PLCXD3: variants seen among roughly 807,000 people sequenced by gnomAD.
PLCXD3 encodes phosphatidylinositol specific phospholipase C X domain containing 3, also known as PI-PLC X domain-containing protein 3.
PLCXD3 carries 19 observed loss-of-function variants against 25.5 expected under a neutral mutation model. The observed-to-expected ratio is 0.75, with a 90% CI of 0.52 to 1.09. The LOEUF is 1.09. PLCXD3 is among the 50% of genes least tolerant of loss of function. PLCXD3 has a pLI of 0.00. For synonymous variants in PLCXD3, 174 were observed against 137.6 expected (o/e 1.26, Z -1.85); for missense variants, 411 against 388.1 (o/e 1.06, Z -0.50).
chr5:41,485,633 G>A (rs1748501717), intron 1 of PLCXD3, among the ~76,000 whole-genome samples: 2 of 152,060 alleles, frequency 1.3e-5, no homozygotes, highest in South Asian at 2.1e-4. Context: ...AAATTTGAAC[G>A]CCAGAACAAA....
Position 41,423,160 on chromosome 5 carries a change from C to T in PLCXD3, c.104-40626G>A, listed in dbSNP as rs191401158. Among the ~76,000 whole-genome samples the T allele has an allele frequency of 2.0e-3, 310 of 151,994 alleles. 1 individual carries two copies. Among genetic ancestry groups the T allele is most frequent in the Non-Finnish European group, 2.0e-3 (135 of 67,962 alleles). ...CTATTCTTGCATTCTTCGCAGAAGC[C>T]CTATCTGACTTTGATTTATTATTTT... On this transcript the variant is annotated intron_variant, in intron 1 of 2. Coordinates refer to ENST00000377801, the MANE Select transcript of PLCXD3 (RefSeq NM_001005473.3).
chr5:41,331,264 C>G (rs1362954529), intron 2 of PLCXD3, among the ~76,000 whole-genome samples: 2 of 152,094 alleles, frequency 1.3e-5, no homozygotes, highest in Non-Finnish European at 2.9e-5. Flanking sequence ...GATACAAAAT[C>G]AATGTACAAA....
intron 1 of PLCXD3, among the ~76,000 whole-genome samples, chr5:41,411,837 T>C (rs1387235304): frequency 6.7e-6 from 1 of 148,374 alleles, no homozygotes; most frequent in Non-Finnish European, 1.5e-5. Context: ...GATATCCATA[T>C]ATATATCTCC....
At chr5:41,355,406 A>G (rs1180795420) in intron 2 of PLCXD3, among the ~76,000 whole-genome samples, 1 of 152,244 alleles carries the variant, frequency 6.6e-6, no homozygotes, top group Admixed American at 6.5e-5. Context: ...TTGCATAATT[A>G]TCTTTCTAGG....
In PLCXD3 at chr5:41,382,259, C is replaced by G; in HGVS notation, c.379G>C (p.Glu127Gln). 1 of 1,613,726 alleles carries G rather than the reference C, an allele frequency of 6.2e-7. No individual in the cohort carries two copies. The highest frequency in any genetic ancestry group is 1.3e-5 in the African/African-American group (1 of 75,002). ...FSAKVNEGLEEINAFLTDHHK... is the reference protein window; with the variant it reads ...FSAKVNEGLEQINAFLTDHHK... Reference sequence around the variant, plus strand: ...TGATCTGTGAGGAATGCATTGATCTCCTCAAGGCCTTCATTGACTTTGGCA... The same window carrying G: ...TGATCTGTGAGGAATGCATTGATCTGCTCAAGGCCTTCATTGACTTTGGCA... The change falls in exon 2 of 3, where the codon GAG (glutamate) becomes CAG (glutamine). Residue 127 changes from glutamate (E) to glutamine (Q), a missense_variant. Transcript: ENST00000377801.
At chr5:41,431,695 G>C (rs1430386378) in intron 1 of PLCXD3, among the ~76,000 whole-genome samples, 1 of 152,182 alleles carries the variant, frequency 6.6e-6, no homozygotes, top group Non-Finnish European at 1.5e-5. Context: ...TAAATGTGGA[G>C]TATTTTACAT....
chr5:41,454,902 G>A (rs990495760), intron 1 of PLCXD3, among the ~76,000 whole-genome samples: 3 of 151,984 alleles, frequency 2.0e-5, no homozygotes, highest in African/African-American at 4.8e-5. Context: ...CATGGCTGGA[G>A]TGGCCTTAGG....
chr5:41,320,558 G>A (rs1164647809), intron 2 of PLCXD3, among the ~76,000 whole-genome samples: 2 of 152,250 alleles, frequency 1.3e-5, no homozygotes, highest in Admixed American at 6.5e-5. Context: ...GTGCAGTGGC[G>A]CGATCTTGGC....
chr5:41,467,875 T>C (rs1748058312), intron 1 of PLCXD3, among the ~76,000 whole-genome samples: 1 of 152,162 alleles, frequency 6.6e-6, no homozygotes, highest in South Asian at 2.1e-4. Flanking sequence ...TGTAAATGCA[T>C]GGGTTAGGAC....
intron 2 of PLCXD3, among the ~76,000 whole-genome samples, chr5:41,338,694 C>T (rs547344099): frequency 6.6e-6 from 1 of 152,226 alleles, no homozygotes; most frequent in South Asian, 2.1e-4. Context: ...GTCTATTCCT[C>T]TTCAACGTGA....
intron 1 of PLCXD3, among the ~76,000 whole-genome samples, chr5:41,419,425 T>C (rs1383757848): frequency 6.6e-6 from 1 of 152,182 alleles, no homozygotes; most frequent in Non-Finnish European, 1.5e-5. Flanking sequence ...TAGGATATGA[T>C]AGTGTTTTTC....
At position 41,324,605 on chromosome 5, in the gene PLCXD3, T is replaced by C. The variant is rs143293700; in HGVS notation, c.813-10835A>G. On this transcript the variant is annotated intron_variant, in intron 2 of 2. Coordinates refer to ENST00000377801, the MANE Select transcript of PLCXD3 (RefSeq NM_001005473.3). ...GGACAATCTGGATCCCATGTCTGAA[T>C]ATACAGACATGAGTGTATTCAAGTT... 1.8e-3 allele frequency among the ~76,000 whole-genome samples: 269 copies of C among 152,320 alleles called. 12 individuals carry two copies. In the East Asian group the frequency reaches 0.045, roughly 25 times the overall value.
chr5:41,369,896 A>G (rs1325425298), intron 2 of PLCXD3, among the ~76,000 whole-genome samples: 1 of 152,216 alleles, frequency 6.6e-6, no homozygotes, highest in Non-Finnish European at 1.5e-5. Flanking sequence ...GTAGCAGACA[A>G]CACAGTGAAT....
intron 1 of PLCXD3, among the ~76,000 whole-genome samples, chr5:41,440,215 A>ATTTTTGTTTTTTTTT (rs1747350266): frequency 7.3e-5 from 3 of 41,062 alleles, no homozygotes; most frequent in African/African-American, 3.1e-4. Context: ...TAATCTCTCA[A>ATTTTTGTTTTTTTTT]TTTTTTTTTT....
chr5:41,435,168 C>T (rs559308165), intron 1 of PLCXD3, among the ~76,000 whole-genome samples: 1 of 152,278 alleles, frequency 6.6e-6, no homozygotes, highest in Non-Finnish European at 1.5e-5. Flanking sequence ...TTGTAACCTG[C>T]TTTTACCACT....
At chr5:41,466,770 C>T (rs1281579219) in intron 1 of PLCXD3, among the ~76,000 whole-genome samples, 4 of 152,054 alleles carry the variant, frequency 2.6e-5, no homozygotes, top group African/African-American at 9.7e-5. Context: ...ATGAATTCAA[C>T]TTTATTAGAT....
chr5:41,500,454 G>T (rs1161522494), intron 1 of PLCXD3, among the ~76,000 whole-genome samples: 1 of 151,802 alleles, frequency 6.6e-6, no homozygotes, highest in African/African-American at 2.4e-5. Context: ...GAGAGATAAT[G>T]AGAAATTAAT....
chr5:41,467,057 C>T (rs1205132714), intron 1 of PLCXD3, among the ~76,000 whole-genome samples: 6 of 152,054 alleles, frequency 3.9e-5, no homozygotes, highest in Admixed American at 3.9e-4. Context: ...GTTTCAGTTT[C>T]TTTGAATACA....
rs143643006 is a variant in PLCXD3, at chr5:41,334,751, C to G, written c.813-20981G>C. ...TTCAATTAAAATAAGTTCATATAAA[C>G]TACAAGAAAAAATGGTGTTTAAGAG... On this transcript the variant is annotated intron_variant, in intron 2 of 2. Coordinates refer to ENST00000377801, the MANE Select transcript of PLCXD3 (RefSeq NM_001005473.3). 7.4e-3 allele frequency among the ~76,000 whole-genome samples: 1,123 copies of G among 152,100 alleles called. 25 individuals are homozygous for G. The highest frequency in any genetic ancestry group is 0.025 in the African/African-American group (1,052 of 41,498).
Sources: gnomAD v4.1 joint callset for allele counts (sites outside exome capture counted in the v4.1 genomes callset) on GRCh38, gnomAD v4.1.1 for gene constraint, MANE v1.5 for transcripts, NCBI Gene and HGNC (gene_info 2026-07-23, HGNC 2026-07-21) for gene names.